The following NREP variants were observed in gnomAD, a reference collection of about 807,000 sequenced individuals.
NREP encodes the protein neuronal regeneration-related protein.
Under a neutral mutation model 8.6 loss-of-function variants are expected in NREP, and 5 were observed. The observed-to-expected ratio is 0.58, with a 90% CI of 0.30 to 1.22. The LOEUF (loss-of-function observed/expected upper bound fraction) is 1.22. NREP is among the 50% of genes most tolerant of loss of function. The probability of loss-of-function intolerance (pLI) is 0.07; values close to 1 mark genes in which losing one functional copy is unlikely to be tolerated. For missense variants in NREP, 86 were observed against 82.5 expected (o/e 1.04, Z -0.17); for synonymous variants, 27 against 28.0 (o/e 0.96, Z 0.11).
At chr5:111,941,297 TG>T (rs1349330601) in intron 2 of NREP, among the ~76,000 whole-genome samples, 3 of 152,122 alleles carry the variant, frequency 2.0e-5, no homozygotes, top group Non-Finnish European at 4.4e-5. Flanking sequence ...CACACCTTTT[TG>T]TTTTAGTTTG....
At chr5:111,871,051 G>GGTGTGTGT (rs1434969269) in intron 2 of NREP, among the ~76,000 whole-genome samples, 10 of 56,120 alleles carry the variant, frequency 1.8e-4, no homozygotes, top group South Asian at 8.9e-4. Flanking sequence ...CAGAACCAAT[G>GGTGTGTGT]GCGTGTGTGT....
chr5:111,809,788 C>A (rs888402948), intron 2 of NREP, among the ~76,000 whole-genome samples: 13 of 151,698 alleles, frequency 8.6e-5, no homozygotes, highest in African/African-American at 3.2e-4. Context: ...TATAACAATA[C>A]AAAATGGACA....
At chr5:111,866,190 A>G (rs1267308084) in intron 2 of NREP, among the ~76,000 whole-genome samples, 4 of 152,214 alleles carry the variant, frequency 2.6e-5, no homozygotes, top group African/African-American at 9.6e-5. Context: ...ACAGCAAAAG[A>G]AACTACCATC....
intron 2 of NREP, among the ~76,000 whole-genome samples, chr5:111,878,141 C>T (rs1191883289): frequency 6.6e-6 from 1 of 152,212 alleles, no homozygotes; most frequent in Non-Finnish European, 1.5e-5. Flanking sequence ...GAAGAACTGA[C>T]CATTAAACCC....
chr5:111,783,025 G>C (rs1309280346), intron 2 of NREP, among the ~76,000 whole-genome samples: 1 of 152,034 alleles, frequency 6.6e-6, no homozygotes, highest in Non-Finnish European at 1.5e-5. Flanking sequence ...GAGTCACTGT[G>C]CCTGGCCCCA....
chr5:111,895,567 T>C (rs1355456652), intron 2 of NREP, among the ~76,000 whole-genome samples: 1 of 152,034 alleles, frequency 6.6e-6, no homozygotes, highest in East Asian at 1.9e-4. Context: ...GAGGATAGTA[T>C]GGGTGAGGCA....
intron 2 of NREP, among the ~76,000 whole-genome samples, chr5:111,862,224 AT>A (rs1333767531): frequency 6.6e-6 from 1 of 152,176 alleles, no homozygotes; most frequent in Non-Finnish European, 1.5e-5. Flanking sequence ...TGATTCCAGC[AT>A]TTATCCATGC....
chr5:111,750,468 C>T (rs75873892), intron 2 of NREP, among the ~76,000 whole-genome samples: 4 of 152,214 alleles, frequency 2.6e-5, no homozygotes, highest in East Asian at 1.9e-4. Flanking sequence ...TGAATAATAA[C>T]GAGTGTCAAG....
intron 2 of NREP, among the ~76,000 whole-genome samples, chr5:111,871,864 T>TTATATATATATATATATA (rs1336281866): frequency 1.4e-5 from 2 of 141,368 alleles, no homozygotes; most frequent in African/African-American, 5.1e-5. Flanking sequence ...ATATATATAT[T>TTATATATATATATATATA]TATATATATA....
intron 2 of NREP, among the ~76,000 whole-genome samples, chr5:111,773,293 T>C (rs1459227484): frequency 6.6e-6 from 1 of 152,116 alleles, no homozygotes; most frequent in African/African-American, 2.4e-5. Flanking sequence ...GAGAGAATCA[T>C]AAACATACAT....
intron 2 of NREP, among the ~76,000 whole-genome samples, chr5:111,935,439 G>A (rs1238597626): frequency 1.3e-5 from 2 of 152,034 alleles, no homozygotes; most frequent in Non-Finnish European, 1.5e-5. Flanking sequence ...AGGGGAGGAT[G>A]TACCCCTGCA....
At chr5:111,950,350 A>G (rs1433737584) in intron 2 of NREP, among the ~76,000 whole-genome samples, 1 of 152,170 alleles carries the variant, frequency 6.6e-6, no homozygotes, top group Non-Finnish European at 1.5e-5. Context: ...CCATATACAG[A>G]AAACTGAAAC....
intron 2 of NREP, among the ~76,000 whole-genome samples, chr5:111,852,555 T>C (rs1233450598): frequency 6.6e-6 from 1 of 152,168 alleles, no homozygotes; most frequent in Non-Finnish European, 1.5e-5. Context: ...GTACCTATTA[T>C]GAGCAAAGCA....
At chr5:111,847,381 C>T (rs1355309389) in intron 2 of NREP, among the ~76,000 whole-genome samples, 6 of 152,156 alleles carry the variant, frequency 3.9e-5, no homozygotes, top group African/African-American at 1.4e-4. Context: ...CTGTAACCCT[C>T]ACGGCCCAAT....
intron 2 of NREP, among the ~76,000 whole-genome samples, chr5:111,840,023 C>T (rs1477700622): frequency 6.6e-6 from 1 of 151,996 alleles, no homozygotes; most frequent in African/African-American, 2.4e-5. Context: ...TGTGCTTTTC[C>T]TCAATTTAGT....
At chr5:111,842,231 A>G (rs184709050) in intron 2 of NREP, among the ~76,000 whole-genome samples, 92 of 152,226 alleles carry the variant, frequency 6.0e-4, no homozygotes, top group African/African-American at 2.2e-3. Flanking sequence ...CTCAATTTCA[A>G]TAATAAATTT....
intron 2 of NREP, among the ~76,000 whole-genome samples, chr5:111,954,442 T>A (rs867672865): frequency 3.3e-5 from 5 of 152,174 alleles, no homozygotes; most frequent in African/African-American, 1.2e-4. Flanking sequence ...ACTAGTGATA[T>A]GTTTTGGTTT....
intron 2 of NREP, chr5:111,755,413 C>G (rs1015403510): frequency 7.4e-5 from 20 of 271,872 alleles, no homozygotes; most frequent in African/African-American, 3.9e-4. Flanking sequence ...AGCTCTAAGA[C>G]CCAAGGCTTT....
intron 2 of NREP, among the ~76,000 whole-genome samples, chr5:111,812,865 A>G (rs1752300692): frequency 6.6e-6 from 1 of 152,204 alleles, no homozygotes; most frequent in Non-Finnish European, 1.5e-5. Flanking sequence ...ACATGTCATG[A>G]TTTCCTAAGA....
Sources: gnomAD v4.1 joint callset for allele counts (sites outside exome capture counted in the v4.1 genomes callset) on GRCh38, gnomAD v4.1.1 for gene constraint, MANE v1.5 for transcripts, NCBI Gene and HGNC (gene_info 2026-07-23, HGNC 2026-07-21) for gene names.